The following DST variants were observed in gnomAD, a reference collection of about 807,000 sequenced individuals.
DST encodes the protein bullous pemphigoid antigen.
A neutral mutation model predicts 875.2 loss-of-function variants in DST; 253 were observed. The ratio of observed to expected loss-of-function variants is 0.29; its 90% confidence interval spans 0.26 to 0.32. The LOEUF (loss-of-function observed/expected upper bound fraction) is 0.32, where lower values mean the gene tolerates loss of function less well. Ranked by LOEUF, DST falls within the 10% of genes least tolerant of loss-of-function variation. DST has a pLI of 1.00. For missense variants in DST, 8,287 were observed against 9,111.6 expected (o/e 0.91, Z 3.68); for synonymous variants, 3,124 against 3,197.1 (o/e 0.98, Z 0.77).
intron 30 of DST, 69 bp from the exon 31 acceptor site, chr6:56,630,452 G>T: frequency 7.6e-7 from 1 of 1,313,920 alleles, no homozygotes; most frequent in Non-Finnish European, 1.1e-6. Flanking sequence ...TAGTCCTGAA[G>T]CACCATTATG....
chr6:56,565,408 C>G (rs1481110235), intron 55 of DST, among the ~76,000 whole-genome samples: 1 of 152,156 alleles, frequency 6.6e-6, no homozygotes, highest in Non-Finnish European at 1.5e-5. Flanking sequence ...CATCAGCCAC[C>G]ACGCCCGGCT....
chr6:56,683,049 T>G (rs11757282), intron 9 of DST, among the ~76,000 whole-genome samples: 7 of 152,310 alleles, frequency 4.6e-5, no homozygotes, highest in Admixed American at 3.9e-4. Flanking sequence ...ACAAAAGTAT[T>G]TGCAGTTCTT....
rs1255991934 is a variant in DST, at chr6:56,600,170, C to G, written c.11593G>C (p.Asp3865His). 6.2e-7 allele frequency: 1 copy of G among 1,612,972 alleles called. No individual in the cohort carries two copies. Among genetic ancestry groups the G allele is most frequent in the South Asian group, 1.1e-5 (1 of 91,008 alleles). ...EYKEKLQGIC[D>H]LLTQTENRLI... Reference sequence around the variant, plus strand: ...CGGTTTTCAGTTTGGGTAAGAAGATCACATATCCCTTGGAGTTTCTCTTTA... The same window carrying G: ...CGGTTTTCAGTTTGGGTAAGAAGATGACATATCCCTTGGAGTTTCTCTTTA... Residue 3865 changes from aspartate to histidine, a missense_variant, in exon 45 of 104, where the codon GAT becomes CAT. Asp to His is a moderately conservative substitution (Grantham distance 81). Around this residue, in one of 10 missense-constraint regions of DST, gnomAD observed 3,138 missense variants for 3,116.6 expected, o/e 1.01. Coordinates refer to ENST00000680361, the MANE Select transcript of DST (RefSeq NM_001374736.1).
chr6:56,827,111 C>T (rs746053082), intron 4 of DST, among the ~76,000 whole-genome samples: 13 of 152,192 alleles, frequency 8.5e-5, no homozygotes, highest in Non-Finnish European at 1.6e-4. Flanking sequence ...TATAGAAATT[C>T]ACTTGTCAGT....
chr6:56,768,242 A>G (rs1357512910), intron 4 of DST, among the ~76,000 whole-genome samples: 1 of 152,238 alleles, frequency 6.6e-6, no homozygotes, highest in African/African-American at 2.4e-5. Flanking sequence ...AGACAACACA[A>G]TCCCAGAAAA....
chr6:56,773,515 G>A (rs1371564254), intron 4 of DST, among the ~76,000 whole-genome samples: 1 of 152,068 alleles, frequency 6.6e-6, no homozygotes, highest in African/African-American at 2.4e-5. Context: ...TTCAGGCAAT[G>A]TCAAGTGGAC....
rs752238624 is a variant in DST at position 56,460,168 on chromosome 6, T to C, written c.23157A>G (p.Ile7719Met). 16 of 1,613,940 alleles carry C rather than the reference T, an allele frequency of 9.9e-6. No homozygotes were observed. The Admixed American group carries it at 2.7e-4, about 27-fold the overall frequency. The part of the protein sequence containing the change: ...GFHSGEDSGL[I>M]TTAAARVRTQ... ...TTCGGACTCTGGCAGCTGCAGTTGT[T>C]ATCAAGCCACTGTCCTCCCCAGAGT... The change falls in exon 103 of 104, where the codon ATA becomes ATG. Residue 7719 changes from isoleucine to methionine, a missense_variant. Ile to Met is a conservative substitution (Grantham distance 10). This residue lies in a region of DST where 240 missense variants were observed against 237.3 expected (regional missense o/e 1.01). Transcript: ENST00000680361.
chr6:56,755,154 A>C (rs1361369723), intron 4 of DST, among the ~76,000 whole-genome samples: 9 of 151,998 alleles, frequency 5.9e-5, no homozygotes, highest in Non-Finnish European at 1.2e-4. Context: ...AAAACAAGAC[A>C]TTAGACACTA....
At chr6:56,673,289 GAAAAGA>G (rs1423846041) in intron 9 of DST, among the ~76,000 whole-genome samples, 1 of 151,912 alleles carries the variant, frequency 6.6e-6, no homozygotes, top group Non-Finnish European at 1.5e-5. Context: ...AGAAATAAAA[GAAAAGA>G]AAAAGTTGAG....
At chr6:56,848,234 G>C (rs1194291393) in intron 4 of DST, among the ~76,000 whole-genome samples, 1 of 152,216 alleles carries the variant, frequency 6.6e-6, no homozygotes, top group African/African-American at 2.4e-5. Context: ...TCAATAAGTA[G>C]TTGCTAAATG....
chr6:56,591,801 C>T (rs1419635724), intron 49 of DST, among the ~76,000 whole-genome samples: 1 of 151,742 alleles, frequency 6.6e-6, no homozygotes, highest in Non-Finnish European at 1.5e-5. Flanking sequence ...GGCGAAACCC[C>T]GTCTCTACTA....
chr6:56,926,381 A>G (rs1204621722), intron 2 of DST, among the ~76,000 whole-genome samples: 2 of 152,252 alleles, frequency 1.3e-5, no homozygotes, highest in Non-Finnish European at 2.9e-5. Context: ...CTGGTGAAGG[A>G]GACAGACTTA....
chr6:56,694,688 T>A (rs75805964), intron 9 of DST, among the ~76,000 whole-genome samples: 102 of 152,258 alleles, frequency 6.7e-4, no homozygotes, highest in African/African-American at 2.2e-3. Flanking sequence ...AGTTTAGATA[T>A]TTGTCCCCTC....
At chr6:56,565,336 G>T (rs2097653045) in intron 55 of DST, among the ~76,000 whole-genome samples, 2 of 151,994 alleles carry the variant, frequency 1.3e-5, no homozygotes, top group South Asian at 4.2e-4. Context: ...AACCACGATG[G>T]TCTCAATCTC....
At chr6:56,570,132 G>A (rs1237755673) in intron 53 of DST, 120 bp from the exon 54 acceptor site, 20 of 706,394 alleles carry the variant, frequency 2.8e-5, no homozygotes, top group Middle Eastern at 4.1e-4. Context: ...TTTGATACAG[G>A]AGGAAAGGTT....
intron 5 of DST, among the ~76,000 whole-genome samples, chr6:56,718,108 A>T (rs1354616772): frequency 6.6e-6 from 1 of 152,030 alleles, no homozygotes; most frequent in African/African-American, 2.4e-5. Context: ...AATAGGTGTG[A>T]TGGTATGTAC....
intron 4 of DST, among the ~76,000 whole-genome samples, chr6:56,849,417 G>A (rs1362140293): frequency 6.6e-6 from 1 of 152,182 alleles, no homozygotes; most frequent in Non-Finnish European, 1.5e-5. Context: ...TTACAGGCAT[G>A]AGCCACGACA....
intron 49 of DST, among the ~76,000 whole-genome samples, chr6:56,581,236 C>T (rs929958311): frequency 6.6e-6 from 1 of 151,736 alleles, no homozygotes; most frequent in Non-Finnish European, 1.5e-5. Flanking sequence ...TCAAGATACA[C>T]AATGTGACTC....
At chr6:56,785,173 C>T (rs917733499) in intron 4 of DST, among the ~76,000 whole-genome samples, 1 of 152,168 alleles carries the variant, frequency 6.6e-6, no homozygotes, top group Non-Finnish European at 1.5e-5. Flanking sequence ...CTCGGGGACC[C>T]ACCTGAGGAG....
Sources: allele counts gnomAD v4.1 joint callset (sites outside exome capture counted in the v4.1 genomes callset), GRCh38; gene constraint gnomAD v4.1.1; regional missense constraint gnomAD v4.1.1; transcripts MANE v1.5; gene names NCBI Gene and HGNC (gene_info 2026-07-23, HGNC 2026-07-21).